Variants in DKK2 observed in about 807,000 individuals in gnomAD.
The protein encoded by DKK2 is dickkopf-related protein 2.
DKK2 carries 11 observed loss-of-function variants against 28.1 expected under a neutral mutation model. The ratio of observed to expected loss-of-function variants is 0.39; its 90% confidence interval spans 0.25 to 0.65. DKK2 has a LOEUF of 0.65. Ranked by LOEUF, DKK2 falls within the 30% of genes least tolerant of loss-of-function variation. DKK2 has a pLI of 0.47. For synonymous variants in DKK2, 135 were observed against 126.5 expected (o/e 1.07, Z -0.45); for missense variants, 326 against 335.5 (o/e 0.97, Z 0.22).
intron 1 of DKK2, among the ~76,000 whole-genome samples, chr4:106,945,999 A>G (rs1216794234): frequency 2.6e-5 from 4 of 152,138 alleles, no homozygotes; most frequent in South Asian, 2.1e-4. Context: ...CAAACTGCAC[A>G]TATCTCCAGG....
Position 106,931,850 on chromosome 4 carries a change from G to A in DKK2, c.223-5901C>T, listed in dbSNP as rs371182012. ...ATTAAGTATAAGACAAAGAAAGAAA[G>A]TACCTTTGTGAGTTTAAGATGCCCT... On this transcript the variant is annotated intron_variant, in intron 1 of 3. Coordinates refer to ENST00000285311, the MANE Select transcript of DKK2 (RefSeq NM_014421.3). Among the ~76,000 whole-genome samples, 13 of 152,222 alleles carry A rather than the reference G, an allele frequency of 8.5e-5. No homozygotes were observed. The East Asian group carries it at 1.5e-3, about 18-fold the overall frequency.
intron 1 of DKK2, among the ~76,000 whole-genome samples, chr4:106,932,199 T>G (rs1182343927): frequency 6.6e-6 from 1 of 152,202 alleles, no homozygotes; most frequent in East Asian, 1.9e-4. Flanking sequence ...AAAATTGGTT[T>G]TTGATACGAA....
At chr4:106,985,810 C>T (rs148411509) in intron 1 of DKK2, among the ~76,000 whole-genome samples, 3,291 of 132,444 alleles carry the variant, frequency 0.025, 41 homozygotes, top group Middle Eastern at 0.043. Flanking sequence ...AGCGAGACTC[C>T]GTCTCAAAAA....
chr4:106,985,830 G>A (rs1363702381), intron 1 of DKK2, among the ~76,000 whole-genome samples: 47 of 131,030 alleles, frequency 3.6e-4, no homozygotes, highest in South Asian at 9.8e-4. Flanking sequence ...AAAAAAAAAA[G>A]AAAAAAGAAA....
At chr4:106,967,020 A>G (rs1722793060) in intron 1 of DKK2, among the ~76,000 whole-genome samples, 1 of 152,124 alleles carries the variant, frequency 6.6e-6, no homozygotes, top group Non-Finnish European at 1.5e-5. Flanking sequence ...TTATTTTTTA[A>G]GTTTAAAGGA....
chr4:107,008,988 A>G (rs1421632442), intron 1 of DKK2, among the ~76,000 whole-genome samples: 1 of 152,018 alleles, frequency 6.6e-6, no homozygotes, highest in Non-Finnish European at 1.5e-5. Flanking sequence ...ATTATATTTG[A>G]TATCTTTTCA....
At chr4:107,027,285 C>T (rs186685618) in intron 1 of DKK2, among the ~76,000 whole-genome samples, 1 of 152,218 alleles carries the variant, frequency 6.6e-6, no homozygotes, top group Non-Finnish European at 1.5e-5. Context: ...CTTCCCTCTG[C>T]CTCTCATTTG....
At chr4:106,979,699 G>A (rs1475137968) in intron 1 of DKK2, among the ~76,000 whole-genome samples, 2 of 152,210 alleles carry the variant, frequency 1.3e-5, no homozygotes, top group East Asian at 1.9e-4. Context: ...GGGCTTGCAC[G>A]TGTTCAGGAT....
Position 106,938,217 on chromosome 4 carries a change from G to A in DKK2, c.223-12268C>T, listed in dbSNP as rs556938617. ...AAAGGATCAACAAAATTGATAGACC[G>A]CTAGCAAGACTAATAAAGAAAAAAA... On this transcript the variant is annotated intron_variant, in intron 1 of 3. Coordinates refer to ENST00000285311, the MANE Select transcript of DKK2 (RefSeq NM_014421.3). 5.1e-3 allele frequency among the ~76,000 whole-genome samples: 755 copies of A among 149,432 alleles called. 8 individuals carry two copies. The highest frequency in any genetic ancestry group is 0.01 in the Middle Eastern group (3 of 290).
intron 1 of DKK2, among the ~76,000 whole-genome samples, chr4:106,941,165 T>C (rs1028296769): frequency 6.6e-6 from 1 of 151,696 alleles, no homozygotes; most frequent in Admixed American, 6.6e-5. Flanking sequence ...AAGGAGGTGA[T>C]TCACGGCTCC....
intron 1 of DKK2, among the ~76,000 whole-genome samples, chr4:106,986,060 G>C (rs1439834315): frequency 6.6e-6 from 1 of 152,084 alleles, no homozygotes; most frequent in Non-Finnish European, 1.5e-5. Flanking sequence ...GGGAAGCGTG[G>C]TTATTCAGAT....
chr4:106,935,162 T>C (rs28575180), intron 1 of DKK2, among the ~76,000 whole-genome samples: 9,421 of 152,056 alleles, frequency 0.062, 317 homozygotes, highest in Non-Finnish European at 0.074. Context: ...CCAGCATGAG[T>C]GAGGCAGAAG....
At chr4:106,957,142 A>G (rs994514813) in intron 1 of DKK2, among the ~76,000 whole-genome samples, 2 of 152,222 alleles carry the variant, frequency 1.3e-5, no homozygotes, top group African/African-American at 4.8e-5. Context: ...GCCAAAAGAC[A>G]CATGAGAAAA....
At chr4:107,015,452 C>T (rs1005829949) in intron 1 of DKK2, among the ~76,000 whole-genome samples, 1 of 151,576 alleles carries the variant, frequency 6.6e-6, no homozygotes, top group Non-Finnish European at 1.5e-5. Context: ...ATATTCTAAA[C>T]AGGAATCTTT....
At chr4:106,950,102 T>TA (rs1724836943) in intron 1 of DKK2, among the ~76,000 whole-genome samples, 1 of 152,206 alleles carries the variant, frequency 6.6e-6, no homozygotes, top group Non-Finnish European at 1.5e-5. Flanking sequence ...TCTCAGTAGA[T>TA]ACATATGTTT....
At chr4:106,971,992 C>T (rs1401900192) in intron 1 of DKK2, among the ~76,000 whole-genome samples, 7 of 152,042 alleles carry the variant, frequency 4.6e-5, no homozygotes, top group Non-Finnish European at 8.8e-5. Flanking sequence ...TACTCCAAAT[C>T]CATTGTTATG....
At chr4:107,020,650 A>G (rs1723677014) in intron 1 of DKK2, among the ~76,000 whole-genome samples, 2 of 152,150 alleles carry the variant, frequency 1.3e-5, no homozygotes, top group Non-Finnish European at 1.5e-5. Flanking sequence ...ATTATTAAAT[A>G]CGTTGTAGAA....
chr4:107,000,508 T>C (rs1425170307), intron 1 of DKK2, among the ~76,000 whole-genome samples: 2 of 152,204 alleles, frequency 1.3e-5, no homozygotes, highest in Non-Finnish European at 2.9e-5. Flanking sequence ...AATTTAAACC[T>C]GCATATTTCA....
At chr4:106,953,657 T>C (rs1363407023) in intron 1 of DKK2, among the ~76,000 whole-genome samples, 1 of 152,188 alleles carries the variant, frequency 6.6e-6, no homozygotes, top group African/African-American at 2.4e-5. Context: ...GAATACTTTT[T>C]TTCTGTGTCA....
Sources: allele counts gnomAD v4.1 joint callset (sites outside exome capture counted in the v4.1 genomes callset), GRCh38; gene constraint gnomAD v4.1.1; transcripts MANE v1.5; gene names NCBI Gene and HGNC (gene_info 2026-07-23, HGNC 2026-07-21).